The following PIK3CB variants were observed in gnomAD, a reference collection of about 807,000 sequenced individuals.
The protein encoded by PIK3CB is phosphatidylinositol 4,5-bisphosphate 3-kinase catalytic subunit beta isoform.
Under a neutral mutation model 136.8 loss-of-function variants are expected in PIK3CB, and 39 were observed. The ratio of observed to expected loss-of-function variants is 0.29; its 90% CI spans 0.22 to 0.37. The LOEUF (loss-of-function observed/expected upper bound fraction) is 0.37. Among genes scored for constraint, PIK3CB ranks in the 10% least tolerant of loss-of-function variants. PIK3CB has a pLI of 1.00. For synonymous variants in PIK3CB, 428 were observed against 436.6 expected (o/e 0.98, Z 0.25); for missense variants, 868 against 1,275.4 (o/e 0.68, Z 4.87).
At chr3:138,719,983 GA>G (rs939910011) in intron 8 of PIK3CB, among the ~76,000 whole-genome samples, 6 of 150,800 alleles carry the variant, frequency 4.0e-5, no homozygotes, top group Admixed American at 2.7e-4. Context: ...AGCTAGGCTA[GA>G]AAAAAAAAGC....
intron 19 of PIK3CB, among the ~76,000 whole-genome samples, chr3:138,678,128 A>G (rs78621376): frequency 0.031 from 4,743 of 152,048 alleles, 251 homozygotes; most frequent in African/African-American, 0.11. Flanking sequence ...TTTAAATCCC[A>G]AAGTGCTTGG....
At chr3:138,705,201 A>AAAAAAC (rs2044354275) in intron 11 of PIK3CB, among the ~76,000 whole-genome samples, 1 of 142,198 alleles carries the variant, frequency 7.0e-6, no homozygotes, top group East Asian at 2.2e-4. Context: ...AAAAAAAAAA[A>AAAAAAC]CTTATATTTG....
rs1289353103 is a variant in PIK3CB, at chr3:138,711,851, G to C, written c.1399+357C>G. Among the ~76,000 whole-genome samples the C allele has an allele frequency of 2.0e-5, 3 of 151,906 alleles. No individual in the cohort carries two copies. In the East Asian group the frequency reaches 5.8e-4, roughly 29 times the overall value. The stretch of plus-strand genomic sequence containing the variant: ...CCGTTTAAAATACAGGTCAGTAACA[G>C]TGGCTCATGCCTGTAATCCTAGCAC... On this transcript the variant is annotated intron_variant, in intron 10 of 23. Transcript: ENST00000674063.
chr3:138,725,571 A>G (rs1425414368), intron 8 of PIK3CB, among the ~76,000 whole-genome samples: 1 of 152,148 alleles, frequency 6.6e-6, no homozygotes, highest in Non-Finnish European at 1.5e-5. Flanking sequence ...ATTTGTATTG[A>G]TTAATCTTTA....
rs79568509 is a variant in PIK3CB, at chr3:138,773,598, C to T, written c.-16-14239G>A. On this transcript the variant is annotated intron_variant, in intron 2 of 23. Coordinates refer to ENST00000674063, the MANE Select transcript of PIK3CB (RefSeq NM_006219.3). ...GCCATTTTAAGTTACTTAATACAGT[C>T]CTTGAAATGGAAAAAAAATTTAAAA... Among the ~76,000 whole-genome samples, 1,302 of 152,112 alleles carry T rather than the reference C, an allele frequency of 8.6e-3. 26 individuals are homozygous for T. The highest frequency in any genetic ancestry group is 0.028 in the African/African-American group (1,180 of 41,498).
intron 20 of PIK3CB, 38 bp from the exon 21 acceptor site, chr3:138,664,067 C>T: frequency 6.2e-7 from 1 of 1,608,646 alleles, no homozygotes; most frequent in Non-Finnish European, 8.5e-7. Context: ...AAAAGGTTTT[C>T]AGCCTCCAAG....
rs149319535 is a variant in PIK3CB, at chr3:138,825,766, G to A, written c.-122+8929C>T. On this transcript the variant is annotated intron_variant, in intron 1 of 23. Transcript: ENST00000674063. ...AGTGGAGACTGGTGTTCTCAAACCC[G>A]GAATGGTGGTCACCTTTGCTCCAGT... 147 of 760,832 alleles carry A rather than the reference G, an allele frequency of 1.9e-4. 1 individual carries two copies. The highest frequency in any genetic ancestry group is 1.7e-3 in the Middle Eastern group (5 of 2,876). 47.1% of individuals were successfully genotyped at this position (760,832 alleles called of 1,614,324 possible).
intron 2 of PIK3CB, among the ~76,000 whole-genome samples, chr3:138,782,844 T>C (rs1398941245): frequency 6.6e-6 from 1 of 152,198 alleles, no homozygotes; most frequent in Non-Finnish European, 1.5e-5. Context: ...GAAATAAATG[T>C]CTATTAAGTT....
chr3:138,823,423 G>A (rs966757748), intron 1 of PIK3CB, among the ~76,000 whole-genome samples: 1 of 150,542 alleles, frequency 6.6e-6, no homozygotes, highest in African/African-American at 2.4e-5. Flanking sequence ...AAAAAGCAAC[G>A]GTCGGGCAAG....
At chr3:138,703,061 G>A (rs2044287676) in intron 12 of PIK3CB, among the ~76,000 whole-genome samples, 1 of 152,012 alleles carries the variant, frequency 6.6e-6, no homozygotes, top group Non-Finnish European at 1.5e-5. Flanking sequence ...ACAAAACTTT[G>A]GGAAAAAAGA....
chr3:138,696,026 C>T (rs2044131035), intron 13 of PIK3CB, among the ~76,000 whole-genome samples: 1 of 149,996 alleles, frequency 6.7e-6, no homozygotes. Context: ...CCACCTTGGC[C>T]CCAAAGTTCT....
At chr3:138,681,940 GA>G (rs145780817) in intron 19 of PIK3CB, 26 bp downstream of exon 19, 118,030 of 1,031,224 alleles carry the variant, frequency 0.11, 23 homozygotes, top group South Asian at 0.14. Flanking sequence ...ACATTAGACT[GA>G]AAAAAAAAAA....
At chr3:138,664,184 T>C (rs182805991) in intron 20 of PIK3CB, among the ~76,000 whole-genome samples, 155 bp from the exon 21 acceptor site, 1 of 151,196 alleles carries the variant, frequency 6.6e-6, no homozygotes, top group Admixed American at 6.6e-5. Context: ...CCAAGGGGAG[T>C]GTGGGTGGTC....
intron 14 of PIK3CB, among the ~76,000 whole-genome samples, chr3:138,693,968 A>ATATATATAT (rs2044076735): frequency 1.4e-4 from 8 of 59,028 alleles, no homozygotes; most frequent in African/African-American, 4.6e-4. Flanking sequence ...TATATATATT[A>ATATATATAT]TATATATATA....
chr3:138,711,654 A>C (rs940064850), intron 10 of PIK3CB, among the ~76,000 whole-genome samples: 1 of 152,002 alleles, frequency 6.6e-6, no homozygotes, highest in Admixed American at 6.6e-5. Flanking sequence ...CATAAGATTT[A>C]AAGACAAAGC....
intron 2 of PIK3CB, among the ~76,000 whole-genome samples, chr3:138,763,930 G>A (rs2045695221): frequency 6.6e-6 from 1 of 150,972 alleles, no homozygotes; most frequent in Admixed American, 6.6e-5. Flanking sequence ...GACCAACATG[G>A]TGAAAACCCG....
intron 19 of PIK3CB, among the ~76,000 whole-genome samples, chr3:138,678,143 A>G (rs1008675941): frequency 3.3e-5 from 5 of 151,746 alleles, no homozygotes; most frequent in Non-Finnish European, 7.4e-5. Context: ...GCTTGGGATT[A>G]CAGGCATGGT....
chr3:138,698,356 G>A (rs77831997), intron 13 of PIK3CB, among the ~76,000 whole-genome samples: 4,607 of 152,236 alleles, frequency 0.03, 236 homozygotes, highest in African/African-American at 0.11. Context: ...CTTTTTGGCA[G>A]GGTCTTGAAA....
chr3:138,656,519 T>A (rs540662826), intron 22 of PIK3CB, among the ~76,000 whole-genome samples: 1 of 152,204 alleles, frequency 6.6e-6, no homozygotes, highest in Non-Finnish European at 1.5e-5. Flanking sequence ...AGAAATTCTA[T>A]GACGAAAGGC....
Sources: gnomAD v4.1 joint callset for allele counts (sites outside exome capture counted in the v4.1 genomes callset) on GRCh38, gnomAD v4.1.1 for gene constraint, MANE v1.5 for transcripts, NCBI Gene and HGNC (gene_info 2026-07-23, HGNC 2026-07-21) for gene names.